ZBTB45: variants seen among roughly 807,000 people sequenced by gnomAD.
The protein encoded by ZBTB45 is zinc finger and BTB domain containing 45, also known as zinc finger and BTB domain-containing protein 45.
In ZBTB45, 22 loss-of-function variants were observed where a neutral mutation model predicts 28.4. The observed-to-expected ratio is 0.77, with a 90% CI of 0.55 to 1.10. The LOEUF (loss-of-function observed/expected upper bound fraction) is 1.10. Ranked by LOEUF, ZBTB45 falls within the 50% of genes least tolerant of loss-of-function variation. The probability of loss-of-function intolerance (pLI) is 0.00; values close to 1 mark genes in which losing one functional copy is unlikely to be tolerated. For synonymous variants in ZBTB45, 361 were observed against 332.3 expected (o/e 1.09, Z -0.94); for missense variants, 656 against 750.2 (o/e 0.87, Z 1.47).
chr19:58,528,370 G>A (rs551137283), intron 1 of ZBTB45, among the ~76,000 whole-genome samples: 19 of 151,930 alleles, frequency 1.3e-4, no homozygotes, highest in Non-Finnish European at 7.4e-5. Context: ...CGATACTAGA[G>A]CCTTGCAGCT....
chr19:58,513,776 G>A lies in ZBTB45; in HGVS notation c.*278C>T, dbSNP rs2053445932. The A allele has an allele frequency of 1.1e-5, 4 of 365,970 alleles. No individual in the cohort carries two copies. The highest frequency in any genetic ancestry group is 1.4e-5 in the Non-Finnish European group (3 of 207,496). The allele number at this position is 365,970 out of a possible 1,614,324, so 22.7% of individuals were successfully genotyped here. A position where few individuals can be genotyped will look rare whatever the true frequency, so the allele number is the denominator to read the frequency against. On this transcript the variant is annotated 3_prime_UTR_variant, in exon 3 of 3. Transcript: ENST00000594051. The stretch of plus-strand genomic sequence containing the variant: ...GTCAAATCTTGGGCCGGGTCCAAGC[G>A]CCTGAGCGCCCGGTTTACGCAGGAA...
intron 1 of ZBTB45, among the ~76,000 whole-genome samples, chr19:58,528,989 C>G (rs1287675907): frequency 6.7e-6 from 1 of 149,794 alleles, no homozygotes; most frequent in Non-Finnish European, 1.5e-5. Flanking sequence ...GAGGCTGAGG[C>G]AGGAGAATTG....
rs2053489511 is a variant in ZBTB45, at chr19:58,516,118, A to G, written c.1279+277T>C. Among the ~76,000 whole-genome samples the G allele has an allele frequency of 6.6e-6, 1 of 152,036 alleles. No individual in the cohort carries two copies. Among genetic ancestry groups the G allele is most frequent in the Non-Finnish European group, 1.5e-5 (1 of 68,002 alleles). On this transcript the variant is annotated intron_variant, in intron 2 of 2. Coordinates refer to ENST00000594051, the MANE Select transcript of ZBTB45 (RefSeq NM_001316979.2). This position sits in a 1 kb window ranked among gnomAD's most constrained non-coding sequence, Gnocchi z 6.2. ...CATCATGTGCATCCCAGGCTGCTCA[A>G]GTTTCCACCACCACCCTTCCAAAGG...
chr19:58,537,022 C>T (rs1419005543), intron 1 of ZBTB45, among the ~76,000 whole-genome samples: 6 of 152,050 alleles, frequency 3.9e-5, no homozygotes, highest in Admixed American at 6.6e-5. Flanking sequence ...ACCTGGGGAG[C>T]GGAGCCAACC....
At position 58,517,571 on chromosome 19, in the gene ZBTB45, C is replaced by T. The variant is rs778200787; in HGVS notation, c.103G>A (p.Val35Met). Residue 35 changes from valine to methionine, a missense_variant, in exon 2 of 3, where the codon GTG becomes ATG. This residue lies in a region of ZBTB45 where 105 missense variants were observed against 152.4 expected (regional missense o/e 0.69). Transcript: ENST00000594051. ...GQRLGGHFCD[V>M]TVRIREASLR... is the part of the protein sequence containing the mutation. ...GAAGCTTCACGAATGCGCACAGTCA[C>T]GTCACAGAAGTGTCCCCCAAGCCTC... The T allele has an allele frequency of 7.4e-6, 12 of 1,613,718 alleles. No homozygotes were observed. The highest frequency in any genetic ancestry group is 3.3e-5 in the Admixed American group (2 of 59,984).
upstream of ZBTB45, among the ~76,000 whole-genome samples, chr19:58,524,401 A>G (rs2053595075): frequency 8.1e-6 from 1 of 122,726 alleles, no homozygotes; most frequent in Non-Finnish European, 1.6e-5. Context: ...GAATGTGTAT[A>G]TATATGTGTG....
At chr19:58,524,405 A>ATG (rs541272488), upstream of ZBTB45, among the ~76,000 whole-genome samples, 1,713 of 35,264 alleles carry the variant, frequency 0.049, 34 homozygotes, top group African/African-American at 0.068. Context: ...GTGTATATAT[A>ATG]TGTGTGTGTG....
At chr19:58,514,584 C>T (rs182357189) in intron 2 of ZBTB45, among the ~76,000 whole-genome samples, 1 of 152,104 alleles carries the variant, frequency 6.6e-6, no homozygotes, top group Non-Finnish European at 1.5e-5. Flanking sequence ...ACCCCTCTCC[C>T]ATCCCTTCCT....
intron 1 of ZBTB45, among the ~76,000 whole-genome samples, chr19:58,533,949 A>G (rs186264333): frequency 4.1e-4 from 63 of 152,350 alleles, no homozygotes; most frequent in Non-Finnish European, 8.7e-4. Context: ...AAGGTCATAT[A>G]TGGCCATACA....
Position 58,516,411 on chromosome 19 carries a change from G to A in ZBTB45, c.1263C>T (p.His421=). The A allele has an allele frequency of 6.2e-7, 1 of 1,614,030 alleles. No individual in the cohort carries two copies. The highest frequency in any genetic ancestry group is 8.5e-7 in the Non-Finnish European group (1 of 1,179,890). The change falls in exon 2 of 3, where the codon CAC becomes CAT. Residue 421 remains histidine, a synonymous_variant. Transcript: ENST00000594051. This position sits in a 1 kb window ranked among gnomAD's most constrained non-coding sequence, Gnocchi z 6.2. ...TFSSRKNYTK[H]MFIHSGEKPH... ...CTGGCTCACCCGAGTGGATGAACAT[G>A]TGCTTGGTGTAGTTTTTCCGGGAGC...
intron 1 of ZBTB45, among the ~76,000 whole-genome samples, chr19:58,530,261 T>C (rs1291097513): frequency 2.0e-5 from 3 of 151,644 alleles, no homozygotes; most frequent in Non-Finnish European, 4.4e-5. Flanking sequence ...TACACCACAT[T>C]TATTTATCCA....
intron 1 of ZBTB45, among the ~76,000 whole-genome samples, chr19:58,527,539 T>C (rs1272358078): frequency 3.9e-5 from 6 of 152,182 alleles, no homozygotes; most frequent in Non-Finnish European, 8.8e-5. Flanking sequence ...CCTGTCACTT[T>C]GTCTCAGGCT....
rs2053452119 is a variant in ZBTB45 at position 58,514,040 on chromosome 19, A to G, written c.*14T>C. 1.4e-6 allele frequency: 2 copies of G among 1,412,194 alleles called. No individual in the cohort carries two copies. The highest frequency in any genetic ancestry group is 1.5e-5 in the South Asian group (1 of 65,416). The allele number at this position is 1,412,194 out of a possible 1,614,324, so 87.5% of individuals were successfully genotyped here. A position where few individuals can be genotyped will look rare whatever the true frequency, so the allele number is the denominator to read the frequency against. ...CCCCGGATCCACCGTGGGCGAGGCCAGGCCCCAGCGCCATCAGGGCGCAGG... is the reference window on the plus strand; with the variant it reads ...CCCCGGATCCACCGTGGGCGAGGCCGGGCCCCAGCGCCATCAGGGCGCAGG... On this transcript the variant is annotated 3_prime_UTR_variant, in exon 3 of 3. Coordinates refer to ENST00000594051, the MANE Select transcript of ZBTB45 (RefSeq NM_001316979.2).
At chr19:58,521,994 G>A (rs1473696903), upstream of ZBTB45, among the ~76,000 whole-genome samples, 2 of 152,030 alleles carry the variant, frequency 1.3e-5, no homozygotes, top group Non-Finnish European at 2.9e-5. Context: ...AGGTCAGGGG[G>A]AGGAAAATAT....
chr19:58,515,684 C>T lies in ZBTB45; in HGVS notation c.1279+711G>A, dbSNP rs1196073683. Among the ~76,000 whole-genome samples the T allele has an allele frequency of 6.6e-6, 1 of 152,308 alleles. No individual in the cohort carries two copies. The highest frequency in any genetic ancestry group is 1.9e-4 in the East Asian group (1 of 5,176). ...CAAATTTTTGCTTTTTCTGACAATGCTCAGCAGGCTTCTGCTTTCCATTCC... is the reference window on the plus strand; with the variant it reads ...CAAATTTTTGCTTTTTCTGACAATGTTCAGCAGGCTTCTGCTTTCCATTCC... On this transcript the variant is annotated intron_variant, in intron 2 of 2. Transcript: ENST00000594051. This position sits in a 1 kb window ranked among gnomAD's most constrained non-coding sequence, Gnocchi z 4.7.
chr19:58,530,725 G>A (rs559957323), intron 1 of ZBTB45, among the ~76,000 whole-genome samples: 102 of 147,688 alleles, frequency 6.9e-4, no homozygotes, highest in African/African-American at 2.4e-3. Context: ...GCTCTGTCGC[G>A]CAGGCTGGAG....
intron 1 of ZBTB45, among the ~76,000 whole-genome samples, chr19:58,538,038 A>G (rs1214448669): frequency 1.3e-5 from 2 of 151,760 alleles, no homozygotes; most frequent in Non-Finnish European, 2.9e-5. Context: ...GGGTTTCATC[A>G]TATTGGTCAG....
At position 58,513,947 on chromosome 19, in the gene ZBTB45, A is replaced by G. The variant is rs955880396; in HGVS notation, c.*107T>C. 3.9e-6 allele frequency: 5 copies of G among 1,285,602 alleles called. No individual in the cohort carries two copies. In the African/African-American group the frequency reaches 7.9e-5, roughly 20 times the overall value. 79.6% of individuals were successfully genotyped at this position (1,285,602 alleles called of 1,614,324 possible). ...GAAGGGAGAGAGAGGACCTGCGCTC[A>G]GGAGGGAGCGTGGTCTAGTGGCGGG... On this transcript the variant is annotated 3_prime_UTR_variant, in exon 3 of 3. Coordinates refer to ENST00000594051, the MANE Select transcript of ZBTB45 (RefSeq NM_001316979.2).
At position 58,517,323 on chromosome 19, in the gene ZBTB45, T is replaced by C. The variant is rs1428801526; in HGVS notation, c.351A>G (p.Glu117=). Residue 117 remains glutamate (E), a synonymous_variant, in exon 2 of 3, where the codon GAA becomes GAG. Transcript: ENST00000594051. ...SVLRIQTVID[E]CTQIIARARA... is the part of the protein sequence containing the mutation. ...GAGCGCGGGCGATAATCTGCGTGCA[T>C]TCGTCGATAACTGTCTGTATGCGAA... 6 of 1,609,606 alleles carry C rather than the reference T, an allele frequency of 3.7e-6. No individual in the cohort carries two copies. Among genetic ancestry groups the C allele is most frequent in the Non-Finnish European group, 3.4e-6 (4 of 1,179,450 alleles).
Sources: gnomAD v4.1 joint callset for allele counts (sites outside exome capture counted in the v4.1 genomes callset) on GRCh38, gnomAD v4.1.1 for gene constraint, gnomAD v4.1.1 regional missense constraint, Gnocchi (gnomAD v3.1) non-coding constraint, MANE v1.5 for transcripts, NCBI Gene and HGNC (gene_info 2026-07-23, HGNC 2026-07-21) for gene names.